GAS7: variants seen among roughly 807,000 people sequenced by gnomAD.
GAS7 encodes growth arrest-specific protein 7.
In GAS7, 28 loss-of-function variants were observed where a neutral mutation model predicts 71.1. The observed-to-expected ratio is 0.39, with a 90% confidence interval of 0.29 to 0.54. GAS7 has a LOEUF of 0.54. GAS7 is among the 20% of genes least tolerant of loss of function. GAS7 has a pLI of 0.62. For missense variants in GAS7, 436 were observed against 627.8 expected, an observed-to-expected ratio of 0.69 and a Z score of 3.27; for synonymous variants, 258 against 245.8, an observed-to-expected ratio of 1.05 and a Z score of -0.46.
At chr17:9,946,788 C>A (rs1346032287) in intron 6 of GAS7, 106 bp downstream of exon 6, 7 of 675,532 alleles carry the variant, frequency 1.0e-5, no homozygotes, top group Admixed American at 5.2e-5. Flanking sequence ...CACGCTCCAA[C>A]GAGAAAGGCC....
chr17:10,011,158 G>A (rs1343756743), intron 2 of GAS7, among the ~76,000 whole-genome samples: 1 of 152,168 alleles, frequency 6.6e-6, no homozygotes, highest in East Asian at 1.9e-4. Context: ...TCAGTTCTAG[G>A]AGAGTCTCTG....
At chr17:10,142,202 C>A (rs1456733919) in intron 1 of GAS7, among the ~76,000 whole-genome samples, 3 of 128,960 alleles carry the variant, frequency 2.3e-5, no homozygotes, top group African/African-American at 6.1e-5. Flanking sequence ...GGCGACACAG[C>A]GAGACTCTGT....
intron 1 of GAS7, among the ~76,000 whole-genome samples, chr17:10,143,722 A>C (rs1200802436): frequency 6.6e-6 from 1 of 152,176 alleles, no homozygotes; most frequent in Admixed American, 6.5e-5. Context: ...AAGAAGAGCG[A>C]CCTCAGAAGA....
At chr17:10,131,818 C>T (rs1266253006) in intron 1 of GAS7, among the ~76,000 whole-genome samples, 5 of 151,780 alleles carry the variant, frequency 3.3e-5, no homozygotes, top group Non-Finnish European at 7.4e-5. Context: ...TAGACGGGCT[C>T]GAGAATGAAT....
intron 4 of GAS7, among the ~76,000 whole-genome samples, chr17:9,962,286 T>C (rs1389207752): frequency 6.7e-6 from 1 of 148,456 alleles, no homozygotes; most frequent in African/African-American, 2.6e-5. Context: ...CACACTATCA[T>C]AATTCTCCAT....
At chr17:10,191,808 G>A (rs1301046786) in intron 1 of GAS7, among the ~76,000 whole-genome samples, 2 of 146,288 alleles carry the variant, frequency 1.4e-5, no homozygotes, top group African/African-American at 5.1e-5. Flanking sequence ...CCAGGAGGCG[G>A]AGGTTGTAGT....
At chr17:10,059,790 CT>C (rs1439809070) in intron 1 of GAS7, 1 of 985,082 alleles carries the variant, frequency 1.0e-6, no homozygotes, top group Non-Finnish European at 1.2e-6. Context: ...GGCTAATTCA[CT>C]GTGCAAAGCA....
chr17:9,972,471 C>T (rs1459758292), intron 3 of GAS7, among the ~76,000 whole-genome samples: 1 of 152,176 alleles, frequency 6.6e-6, no homozygotes, highest in Non-Finnish European at 1.5e-5. Flanking sequence ...AAGAAAACCT[C>T]AGGACACTGC....
At chr17:10,032,603 T>C (rs2152220919) in intron 1 of GAS7, among the ~76,000 whole-genome samples, 1 of 152,260 alleles carries the variant, frequency 6.6e-6, no homozygotes, top group East Asian at 1.9e-4. Flanking sequence ...ACGGCTTTTG[T>C]AACACAGCCT....
intron 1 of GAS7, among the ~76,000 whole-genome samples, chr17:10,120,899 T>C (rs1193401104): frequency 6.6e-6 from 1 of 152,170 alleles, no homozygotes; most frequent in Non-Finnish European, 1.5e-5. Flanking sequence ...TCTCATCCTT[T>C]CTCACCATTT....
rs191140186 is a variant in GAS7, at chr17:9,917,318, C to T, written c.1341G>A (p.Leu447=). The T allele has an allele frequency of 5.0e-6, 8 of 1,613,930 alleles. No individual in the cohort carries two copies. The Admixed American group carries it at 8.3e-5, about 17-fold the overall frequency. ...CTTTGGCCGGGTCCACTTTTCGAAGCAGCTGATCCACGGGCTCGACTGTCT... is the reference window on the plus strand; with the variant it reads ...CTTTGGCCGGGTCCACTTTTCGAAGTAGCTGATCCACGGGCTCGACTGTCT... The part of the protein sequence containing the change: ...NQSTVEPVDQ[L]LRKVDPAKDR... Residue 447 remains leucine (L), a synonymous_variant, in exon 14 of 14, where the codon CTG becomes CTA. Coordinates refer to ENST00000432992, the MANE Select transcript of GAS7 (RefSeq NM_201433.2).
chr17:10,135,667 T>C (rs76704751), intron 1 of GAS7, among the ~76,000 whole-genome samples: 3,802 of 152,278 alleles, frequency 0.025, 69 homozygotes, highest in Non-Finnish European at 0.039. Flanking sequence ...TCTTTTTCTT[T>C]CCTATCCACC....
intron 2 of GAS7, among the ~76,000 whole-genome samples, chr17:9,988,909 C>T (rs919732330): frequency 2.7e-5 from 4 of 146,296 alleles, no homozygotes; most frequent in Non-Finnish European, 4.5e-5. Flanking sequence ...AGTACAGTGG[C>T]GCGATATCAG....
chr17:10,181,548 T>C (rs905004195), intron 1 of GAS7, among the ~76,000 whole-genome samples: 2 of 152,132 alleles, frequency 1.3e-5, no homozygotes, highest in African/African-American at 4.8e-5. Flanking sequence ...TCCATGTGGT[T>C]CTGATAACAT....
chr17:10,170,742 A>T (rs1317516619), intron 1 of GAS7, among the ~76,000 whole-genome samples: 1 of 152,208 alleles, frequency 6.6e-6, no homozygotes, highest in Non-Finnish European at 1.5e-5. Context: ...GCTGGCACTG[A>T]ACGAGCGTTT....
At chr17:9,991,273 CT>C (rs1326712342) in intron 2 of GAS7, among the ~76,000 whole-genome samples, 4 of 152,178 alleles carry the variant, frequency 2.6e-5, no homozygotes, top group African/African-American at 9.7e-5. Context: ...GCTAGAATGC[CT>C]TCTTTAGCAT....
chr17:10,040,570 C>T (rs2072844191), intron 1 of GAS7, among the ~76,000 whole-genome samples: 1 of 139,360 alleles, frequency 7.2e-6, no homozygotes, highest in Admixed American at 7.2e-5. Context: ...CTATAGAATC[C>T]CCCCCACCTT....
chr17:10,197,922 C>A (rs755637166), intron 1 of GAS7, among the ~76,000 whole-genome samples: 1 of 152,210 alleles, frequency 6.6e-6, no homozygotes, highest in Non-Finnish European at 1.5e-5. Context: ...CTCCTTAACT[C>A]ACACAGGCAA....
chr17:10,015,838 A>G (rs1427260775), intron 2 of GAS7, among the ~76,000 whole-genome samples: 1 of 152,064 alleles, frequency 6.6e-6, no homozygotes, highest in East Asian at 1.9e-4. Context: ...TTCCTTCTCC[A>G]GGAAGCCTCC....
Sources: gnomAD v4.1 joint callset for allele counts (sites outside exome capture counted in the v4.1 genomes callset) on GRCh38, gnomAD v4.1.1 for gene constraint, MANE v1.5 for transcripts, NCBI Gene and HGNC (gene_info 2026-07-23, HGNC 2026-07-21) for gene names.